The following WLS variants were observed in gnomAD, a reference collection of about 807,000 sequenced individuals.
The protein encoded by WLS is Wnt ligand secretion mediator, also known as protein wntless homolog.
WLS carries 23 observed loss-of-function variants against 62.8 expected under a neutral mutation model. The observed-to-expected ratio is 0.37, with a 90% CI of 0.26 to 0.52. The LOEUF (loss-of-function observed/expected upper bound fraction) is 0.52, where lower values mean the gene tolerates loss of function less well. Among genes scored for constraint, WLS ranks in the 20% least tolerant of loss-of-function variants. The pLI, the probability that WLS is intolerant of heterozygous loss-of-function variation, is 0.92. For missense variants in WLS, 615 were observed against 697.3 expected (o/e 0.88, Z 1.33); for synonymous variants, 246 against 244.1 (o/e 1.01, Z -0.07).
chr1:68,174,933 C>T (rs966671198), intron 2 of WLS, among the ~76,000 whole-genome samples: 1 of 152,212 alleles, frequency 6.6e-6, no homozygotes, highest in Non-Finnish European at 1.5e-5. Context: ...GGCTGTGTTA[C>T]TAACTGCTGA....
At chr1:68,151,947 G>A (rs1204317862) in intron 5 of WLS, among the ~76,000 whole-genome samples, 1 of 152,150 alleles carries the variant, frequency 6.6e-6, no homozygotes, top group Non-Finnish European at 1.5e-5. Flanking sequence ...GGGTTGCGAG[G>A]CTGTTCCCAC....
Position 68,214,182 on chromosome 1 carries a change from AACACACACACAC to A in WLS, c.106+18000_106+18011del, listed in dbSNP as rs71581159. On this transcript the variant is annotated intron_variant, in intron 1 of 11. Coordinates refer to ENST00000262348, the MANE Select transcript of WLS (RefSeq NM_024911.7). ...ACTTGGTGCTCAACAGTGATCTCTG[AACACACACACAC>A]ACACACACACACACACCCCATTTCC... Among the ~76,000 whole-genome samples the A allele has an allele frequency of 4.1e-5, 6 of 146,622 alleles. No homozygotes were observed. In the South Asian group the frequency reaches 6.5e-4, roughly 16 times the overall value.
At chr1:68,158,571 C>T (rs2100495393) in intron 3 of WLS, among the ~76,000 whole-genome samples, 1 of 151,306 alleles carries the variant, frequency 6.6e-6, no homozygotes, top group South Asian at 2.1e-4. Context: ...ATAAAATACA[C>T]TAATAATAGC....
chr1:68,173,427 T>TCC lies in WLS; in HGVS notation c.380-14181_380-14180insGG, dbSNP rs1042807895. Among the ~76,000 whole-genome samples, 11 of 152,138 alleles carry TCC rather than the reference T, an allele frequency of 7.2e-5. No homozygotes were observed. In the South Asian group the frequency reaches 8.3e-4, roughly 12 times the overall value. ...CTGCGTGCCCCTCTCTCTCTCTCTCTCTCTCTGAATGCAATTAGAGAAGAC... is the reference window on the plus strand; with the variant it reads ...CTGCGTGCCCCTCTCTCTCTCTCTCTCCCTCTCTGAATGCAATTAGAGAAGAC... On this transcript the variant is annotated intron_variant, in intron 2 of 11. Coordinates refer to ENST00000262348, the MANE Select transcript of WLS (RefSeq NM_024911.7).
intron 1 of WLS, among the ~76,000 whole-genome samples, chr1:68,225,387 G>A (rs190902724): frequency 1.2e-4 from 18 of 151,998 alleles, no homozygotes; most frequent in Non-Finnish European, 2.5e-4. Flanking sequence ...ATCCCCATAC[G>A]GGCACTTTCT....
intron 11 of WLS, among the ~76,000 whole-genome samples, chr1:68,110,531 G>A (rs1646211775): frequency 6.6e-6 from 1 of 152,062 alleles, no homozygotes; most frequent in Non-Finnish European, 1.5e-5. Flanking sequence ...CAAACAGGAT[G>A]AAGGAATGTG....
intron 2 of WLS, among the ~76,000 whole-genome samples, chr1:68,181,849 A>G (rs560014781): frequency 9.8e-5 from 15 of 152,348 alleles, no homozygotes; most frequent in African/African-American, 3.6e-4. Flanking sequence ...AAAAATGCAT[A>G]TAAGCAAATA....
chr1:68,107,618 CTGAG>C (rs1184770527), intron 11 of WLS, among the ~76,000 whole-genome samples: 1 of 152,110 alleles, frequency 6.6e-6, no homozygotes, highest in Non-Finnish European at 1.5e-5. Context: ...GTACCTCACT[CTGAG>C]AGAGAAGGGG....
chr1:68,102,653 A>G (rs1448934171), intron 11 of WLS: 1 of 152,248 alleles, frequency 6.6e-6, no homozygotes, highest in Non-Finnish European at 1.5e-5. Context: ...CAATTGGTTC[A>G]GAATCAGAGA....
rs147987668 is a variant in WLS at position 68,183,768 on chromosome 1, C to A, written c.379+10187G>T. 1.4e-3 allele frequency among the ~76,000 whole-genome samples: 206 copies of A among 152,114 alleles called. 2 individuals are homozygous for A. Among genetic ancestry groups the A allele is most frequent in the African/African-American group, 4.7e-3 (196 of 41,518 alleles). ...CACAATTACTCTGCCAAAAGTCAGT[C>A]AACATTCTCCCAGGACACTCAGCCA... On this transcript the variant is annotated intron_variant, in intron 2 of 11. Transcript: ENST00000262348.
At chr1:68,208,946 C>A (rs1649395977) in intron 1 of WLS, among the ~76,000 whole-genome samples, 1 of 152,120 alleles carries the variant, frequency 6.6e-6, no homozygotes, top group Non-Finnish European at 1.5e-5. Context: ...CTATACCTAC[C>A]AATTTCCTCT....
chr1:68,161,995 G>C, intron 2 of WLS: 6 of 1,602,760 alleles, frequency 3.7e-6, no homozygotes. Flanking sequence ...TGACCAAGGC[G>C]CTGATGTGAC....
rs747315006 is a variant in WLS, at chr1:68,155,135, A to G, written c.630T>C (p.Asn210=). 13 of 1,613,974 alleles carry G rather than the reference A, an allele frequency of 8.1e-6. No individual in the cohort carries two copies. The highest frequency in any genetic ancestry group is 2.2e-5 in the East Asian group (1 of 44,864). Residue 210 remains asparagine, a synonymous_variant, in exon 4 of 12, where the codon AAT becomes AAC. Coordinates refer to ENST00000262348, the MANE Select transcript of WLS (RefSeq NM_024911.7). ...TATCCTTTATCTCCCCAATTCCCACATTGATTTTCTTCTTCTCATTCACAG... is the reference window on the plus strand; with the variant it reads ...TATCCTTTATCTCCCCAATTCCCACGTTGATTTTCTTCTTCTCATTCACAG... ...RLPVNEKKKI[N]VGIGEIKDIR...
At chr1:68,128,073 G>C (rs1018352179) in intron 11 of WLS, among the ~76,000 whole-genome samples, 1 of 152,218 alleles carries the variant, frequency 6.6e-6, no homozygotes, top group Admixed American at 6.5e-5. Context: ...GACTGCTGAA[G>C]ACATTTGGGG....
chr1:68,147,044 C>T (rs1184830569), intron 8 of WLS, among the ~76,000 whole-genome samples: 1 of 152,266 alleles, frequency 6.6e-6, no homozygotes, highest in Admixed American at 6.5e-5. Flanking sequence ...AGCCACCACA[C>T]CTGGCCCAAA....
chr1:68,104,253 CTCT>C (rs1045103796), intron 11 of WLS, among the ~76,000 whole-genome samples: 36 of 151,912 alleles, frequency 2.4e-4, no homozygotes, highest in African/African-American at 7.7e-4. Context: ...TCACACGAAA[CTCT>C]TCTTTATACA....
At chr1:68,156,905 G>C (rs1646907982) in intron 3 of WLS, among the ~76,000 whole-genome samples, 1 of 152,188 alleles carries the variant, frequency 6.6e-6, no homozygotes, top group Non-Finnish European at 1.5e-5. Context: ...ATCCTCTGTG[G>C]TAACAGCAAG....
chr1:68,195,991 C>A (rs995327115), intron 1 of WLS, among the ~76,000 whole-genome samples: 3 of 151,832 alleles, frequency 2.0e-5, no homozygotes, highest in Non-Finnish European at 2.9e-5. Context: ...AACATCTGTT[C>A]TTTTCCATGC....
chr1:68,203,027 C>G (rs1307809645), intron 1 of WLS: 1 of 152,204 alleles, frequency 6.6e-6, no homozygotes, highest in Non-Finnish European at 1.5e-5. Flanking sequence ...GCCTATTACA[C>G]TCTACAAGTT....
Sources: gnomAD v4.1 joint callset for allele counts (sites outside exome capture counted in the v4.1 genomes callset) on GRCh38, gnomAD v4.1.1 for gene constraint, MANE v1.5 for transcripts, NCBI Gene and HGNC (gene_info 2026-07-23, HGNC 2026-07-21) for gene names.